The following RBM44 variants were observed in gnomAD, a reference collection of about 807,000 sequenced individuals.
The protein encoded by RBM44 is RNA binding motif protein 44.
In RBM44, 66 loss-of-function variants were observed where a neutral mutation model predicts 105.1. That is an observed-to-expected ratio of 0.63 (90% CI 0.52 to 0.77). RBM44 has a LOEUF of 0.77. Among genes scored for constraint, RBM44 ranks in the 30% least tolerant of loss-of-function variants. The pLI is 0.00. For missense variants in RBM44, 1,122 were observed against 1,207.8 expected (o/e 0.93, Z 1.05); for synonymous variants, 365 against 417.6 (o/e 0.87, Z 1.54).
At chr2:237,819,523 T>A (rs2061760195) in intron 4 of RBM44, among the ~76,000 whole-genome samples, 1 of 152,066 alleles carries the variant, frequency 6.6e-6, no homozygotes, top group Admixed American at 6.6e-5. Flanking sequence ...ATATGTTTAA[T>A]CTGGCGTTTC....
intron 13 of RBM44, among the ~76,000 whole-genome samples, chr2:237,831,272 GTTTGTTTTGT>G (rs1162399320): frequency 1.5e-5 from 2 of 132,914 alleles, no homozygotes; most frequent in Admixed American, 7.9e-5. Context: ...CTTTGTTTTT[GTTTGTTTTGT>G]TTTGTTTTGT....
At chr2:237,813,785 C>T in intron 2 of RBM44, 103 bp downstream of exon 2, 1 of 732,330 alleles carries the variant, frequency 1.4e-6, no homozygotes, top group Admixed American at 2.3e-5. Context: ...AACTCTTCCT[C>T]CCTCTAAGGT....
Position 237,800,576 on chromosome 2 carries a change from A to G in RBM44, c.-19+1715A>G, listed in dbSNP as rs2061535326. Among the ~76,000 whole-genome samples, 4 of 152,310 alleles carry G rather than the reference A, an allele frequency of 2.6e-5. No homozygotes were observed. In the South Asian group the frequency reaches 8.3e-4, roughly 32 times the overall value. On this transcript the variant is annotated intron_variant, in intron 1 of 15. Transcript: ENST00000316997. ...CTCTTCTCACCAATTTTTTGAAAAT[A>G]TGTTTTTAATTTAAAATTTTACTTA...
At chr2:237,816,427 A>T (rs1379272127) in intron 2 of RBM44, among the ~76,000 whole-genome samples, 1 of 152,186 alleles carries the variant, frequency 6.6e-6, no homozygotes, top group Non-Finnish European at 1.5e-5. Context: ...ACCATTTTAC[A>T]AACAGTGGCT....
chr2:237,824,448 C>T, intron 10 of RBM44, 29 bp downstream of exon 10: 1 of 1,595,786 alleles, frequency 6.3e-7, no homozygotes, highest in Non-Finnish European at 8.6e-7. Flanking sequence ...ACCGAGAAAT[C>T]CTAACCTAGA....
At chr2:237,827,221 A>G in intron 10 of RBM44, 29 bp from the exon 11 acceptor site, 2 of 1,253,598 alleles carry the variant, frequency 1.6e-6, no homozygotes, top group Non-Finnish European at 1.1e-6. Context: ...AATAAAGATC[A>G]TTTCTGTTAC....
intron 9 of RBM44, 39 bp downstream of exon 9, chr2:237,823,593 A>G: frequency 1.1e-6 from 1 of 922,688 alleles, no homozygotes; most frequent in South Asian, 1.5e-5. Context: ...AGTTGCTGGA[A>G]AACAAAATAA....
Position 237,817,587 on chromosome 2 carries a change from G to T in RBM44, c.668G>T (p.Gly223Val). The T allele has an allele frequency of 6.2e-7, 1 of 1,612,754 alleles. No homozygotes were observed. The highest frequency in any genetic ancestry group is 8.5e-7 in the Non-Finnish European group (1 of 1,179,350). ...NPEVVELGNS[G>V]YEVKCASNVE... ...GAAGTTGTTGAATTAGGAAATTCGGGTTATGAAGTTAAATGTGCTAGCAAT... is the reference window on the plus strand; with the variant it reads ...GAAGTTGTTGAATTAGGAAATTCGGTTTATGAAGTTAAATGTGCTAGCAAT... Residue 223 changes from glycine (G) to valine (V), a missense_variant, in exon 3 of 16, where the codon GGT (glycine) becomes GTT (valine). By Grantham distance (109) the Gly-to-Val change is moderately radical. This residue lies in a region of RBM44 where 918 missense variants were observed against 955.3 expected (regional missense o/e 0.96). Transcript: ENST00000316997.
chr2:237,808,704 C>T (rs1205137972), intron 1 of RBM44, among the ~76,000 whole-genome samples: 2 of 152,098 alleles, frequency 1.3e-5, no homozygotes, highest in Non-Finnish European at 2.9e-5. Flanking sequence ...AACATAAGTT[C>T]AACTGGAGTC....
Position 237,817,973 on chromosome 2 carries a change from T to A in RBM44, c.1054T>A (p.Leu352Ile). ...AAATAAAATTGTTGAGAACAAAATATTACTGCACCTTGAAAATCCTAGCAC... is the reference window on the plus strand; with the variant it reads ...AAATAAAATTGTTGAGAACAAAATAATACTGCACCTTGAAAATCCTAGCAC... Reference protein sequence around the residue: ...CGNKIVENKILLHLENPSTLP... With the variant: ...CGNKIVENKIILHLENPSTLP... Residue 352 changes from leucine (L) to isoleucine (I), a missense_variant, in exon 3 of 16, where the codon TTA (leucine) becomes ATA (isoleucine). Leu to Ile is a conservative substitution (Grantham distance 5, BLOSUM62 2). Transcript: ENST00000316997. The A allele has an allele frequency of 6.2e-7, 1 of 1,612,140 alleles. No individual in the cohort carries two copies. The highest frequency in any genetic ancestry group is 8.5e-7 in the Non-Finnish European group (1 of 1,179,116).
intron 1 of RBM44, among the ~76,000 whole-genome samples, chr2:237,810,052 T>C (rs1157292371): frequency 6.6e-6 from 1 of 152,258 alleles, no homozygotes; most frequent in African/African-American, 2.4e-5. Flanking sequence ...GGTGAAATTA[T>C]TTTTAATGCT....
chr2:237,820,007 C>T (rs1313740724), intron 4 of RBM44, among the ~76,000 whole-genome samples, 168 bp from the exon 5 acceptor site: 1 of 151,938 alleles, frequency 6.6e-6, no homozygotes, highest in Non-Finnish European at 1.5e-5. Flanking sequence ...GCTTTAACTT[C>T]TTGTTTTCTG....
intron 1 of RBM44, among the ~76,000 whole-genome samples, chr2:237,799,831 A>C: frequency 6.6e-6 from 1 of 152,234 alleles, no homozygotes; most frequent in East Asian, 1.9e-4. Flanking sequence ...GATTGTCTGC[A>C]TAGCTGTGAG....
intron 1 of RBM44, 21 bp from the exon 2 acceptor site, chr2:237,813,570 TC>T (rs1428763388): frequency 6.4e-6 from 8 of 1,254,388 alleles, no homozygotes; most frequent in African/African-American, 6.0e-5. Flanking sequence ...TAATAATAGT[TC>T]AATATTTATA....
At chr2:237,804,772 CT>C (rs2061581737) in intron 1 of RBM44, among the ~76,000 whole-genome samples, 1 of 152,068 alleles carries the variant, frequency 6.6e-6, no homozygotes, top group Non-Finnish European at 1.5e-5. Context: ...TTGATAGTGT[CT>C]TTTGCTGTGC....
intron 1 of RBM44, chr2:237,799,130 G>A (rs2061517936): frequency 6.6e-6 from 1 of 152,190 alleles, no homozygotes; most frequent in Admixed American, 6.5e-5. Context: ...CTCGAACGAA[G>A]TCGCGGGGCC....
Position 237,820,316 on chromosome 2 carries a change from C to T in RBM44, c.1878C>T (p.Tyr626=). The T allele has an allele frequency of 6.3e-7, 1 of 1,597,028 alleles. No individual in the cohort carries two copies. Among genetic ancestry groups the T allele is most frequent in the Admixed American group, 1.7e-5 (1 of 57,714 alleles). ...GTCGTCGCCATTGTTGTGATATTTA[C>T]AAACTTGTCATGGAAAATAGGGAAG... ...QMCRRHCCDI[Y]KLVMENREGL... Residue 626 remains tyrosine, a synonymous_variant, in exon 5 of 16, where the codon TAC becomes TAT. Transcript: ENST00000316997.
chr2:237,817,378 G>T lies in RBM44; in HGVS notation c.459G>T (p.Lys153Asn), dbSNP rs1028507162. 2 of 1,604,090 alleles carry T rather than the reference G, an allele frequency of 1.2e-6. No homozygotes were observed. The highest frequency in any genetic ancestry group is 1.7e-6 in the Non-Finnish European group (2 of 1,175,272). ...VFFNILEHQDKTVGLERIYNI... is the reference protein window; with the variant it reads ...VFFNILEHQDNTVGLERIYNI... ...TTAATATTTTGGAACATCAAGATAA[G>T]ACTGTTGGCTTGGAAAGAATCTACA... The change falls in exon 3 of 16, where the codon AAG (lysine) becomes AAT (asparagine). Residue 153 changes from lysine (K) to asparagine (N), a missense_variant. Lys to Asn is a moderately conservative substitution (Grantham distance 94, BLOSUM62 0). Around this residue, in one of 3 missense-constraint regions of RBM44, gnomAD observed 918 missense variants for 955.3 expected, o/e 0.96. Transcript: ENST00000316997.
At position 237,842,036 on chromosome 2, in the gene RBM44, TTAAAA is replaced by T. The variant is rs1490457745; in HGVS notation, c.*223_*227del. ...TAAGATCTTCTCTATATATTTAAAGTTAAAATATAATTTTTAATAAGTTTTTAAAT... is the reference window on the plus strand; with the variant it reads ...TAAGATCTTCTCTATATATTTAAAGTTATAATTTTTAATAAGTTTTTAAAT... On this transcript the variant is annotated 3_prime_UTR_variant, in exon 16 of 16. Coordinates refer to ENST00000316997, the MANE Select transcript of RBM44 (RefSeq NM_001080504.3). 2 of 152,082 alleles carry T rather than the reference TTAAAA, an allele frequency of 1.3e-5. No homozygotes were observed. The highest frequency in any genetic ancestry group is 2.9e-5 in the Non-Finnish European group (2 of 67,966). The allele number at this position is 152,082 out of a possible 1,614,324, so 9.4% of individuals were successfully genotyped here. A position where few individuals can be genotyped will look rare whatever the true frequency, so the allele number is the denominator to read the frequency against.
Sources: allele counts gnomAD v4.1 joint callset (sites outside exome capture counted in the v4.1 genomes callset), GRCh38; gene constraint gnomAD v4.1.1; regional missense constraint gnomAD v4.1.1; transcripts MANE v1.5; gene names NCBI Gene and HGNC (gene_info 2026-07-23, HGNC 2026-07-21).